Variants in SHH observed in about 807,000 individuals in gnomAD.
The protein encoded by SHH is sonic hedgehog protein.
In SHH, 3 loss-of-function variants were observed where a neutral mutation model predicts 16.6. The ratio of observed to expected loss-of-function variants is 0.18; its 90% confidence interval spans 0.08 to 0.47. The LOEUF (loss-of-function observed/expected upper bound fraction) is 0.47. Among genes scored for constraint, SHH ranks in the 20% least tolerant of loss-of-function variants. The pLI is 0.98. For synonymous variants in SHH, 351 were observed against 316.2 expected, an observed-to-expected ratio of 1.11 and a Z score of -1.17; for missense variants, 499 against 665.0, an observed-to-expected ratio of 0.75 and a Z score of 2.75.
rs2117147722 is a variant in SHH, at chr7:155,809,856, G to C, written c.300+1967C>G. ...GGTCGGGGGGAGGCCCCCGGGCTGG[G>C]GGCTCCGGCTGGGACGCGGAGGCCT... On this transcript the variant is annotated intron_variant, in intron 1 of 2. Coordinates refer to ENST00000297261, the MANE Select transcript of SHH (RefSeq NM_000193.4). The surrounding 1 kb of genome is among the most constrained non-coding windows in gnomAD (Gnocchi z 6.1). Among the ~76,000 whole-genome samples the C allele has an allele frequency of 6.6e-6, 1 of 151,712 alleles. No individual in the cohort carries two copies. Among genetic ancestry groups the C allele is most frequent in the South Asian group, 2.1e-4 (1 of 4,826 alleles).
chr7:155,812,314 G>C lies in SHH; in HGVS notation c.-192C>G. 1.6e-6 allele frequency: 1 copy of C among 636,124 alleles called. No individual in the cohort carries two copies. The highest frequency in any genetic ancestry group is 2.4e-5 in the Admixed American group (1 of 42,388). The allele number at this position is 636,124 out of a possible 1,614,324, so 39.4% of individuals were successfully genotyped here. On this transcript the variant is annotated 5_prime_UTR_variant, in exon 1 of 3. Coordinates refer to ENST00000297261, the MANE Select transcript of SHH (RefSeq NM_000193.4). ...ATAACCTTGCCCGCCGCGGCTGCGG[G>C]GGACTCTCCACCGCTCCCCACCCAG...
chr7:155,811,405 A>G (rs756884), intron 1 of SHH, among the ~76,000 whole-genome samples: 137,228 of 152,258 alleles, frequency 0.9, 62,046 homozygotes, highest in East Asian at 0.98. Context: ...TTCGTACAGT[A>G]CCAGGAGACC....
At chr7:155,810,647 C>T in intron 1 of SHH, among the ~76,000 whole-genome samples, 1 of 152,210 alleles carries the variant, frequency 6.6e-6, no homozygotes. Context: ...CTTGCCTGCC[C>T]CTCGCCTTTC....
Position 155,809,165 on chromosome 7 carries a change from T to C in SHH, c.301-2608A>G, listed in dbSNP as rs1223029344. 1 of 152,178 alleles carries C rather than the reference T, an allele frequency of 6.6e-6. No homozygotes were observed. The highest frequency in any genetic ancestry group is 2.4e-5 in the African/African-American group (1 of 41,408). 9.4% of individuals were successfully genotyped at this position (152,178 alleles called of 1,614,324 possible). On this transcript the variant is annotated intron_variant, in intron 1 of 2. Transcript: ENST00000297261. This position sits in a 1 kb window ranked among gnomAD's most constrained non-coding sequence, Gnocchi z 6.1. ...GGCCCGCGCGGGGAGAGCGTGTCTG[T>C]CTGCGCTTTCCTCTCCCGGGTTAAT...
Position 155,801,961 on chromosome 7 carries a change from C to T in SHH, c.*939G>A, listed in dbSNP as rs866918259. On this transcript the variant is annotated 3_prime_UTR_variant, in exon 3 of 3. Transcript: ENST00000297261. ...TTAATGCAAAAACATCCTTTGTTTT[C>T]TCTGTACAAACTGCAGGCTCCATCC... 4.0e-5 allele frequency: 6 copies of T among 151,556 alleles called. No individual in the cohort carries two copies. The South Asian group carries it at 1.2e-3, about 32-fold the overall frequency. The allele number at this position is 151,556 out of a possible 1,614,324, so 9.4% of individuals were successfully genotyped here. A position where few individuals can be genotyped will look rare whatever the true frequency, so the allele number is the denominator to read the frequency against.
In SHH at chr7:155,803,441, C is replaced by A; in HGVS notation, c.848G>T (p.Gly283Val). ...CGAGCCCGAGGACGCCTCGGGCTCCCCGGTGGCCGAGTCGTTGTGCGGCGC... is the reference window on the plus strand; with the variant it reads ...CGAGCCCGAGGACGCCTCGGGCTCCACGGTGGCCGAGTCGTTGTGCGGCGC... ...FVAPHNDSAT[G>V]EPEASSGSGP... The change falls in exon 3 of 3, where the codon GGG becomes GTG. Residue 283 changes from glycine to valine, a missense_variant. Gly to Val is a moderately radical substitution (Grantham distance 109, BLOSUM62 -3). Around this residue, in one of 4 missense-constraint regions of SHH, gnomAD observed 299 missense variants for 301.1 expected, o/e 0.99. Coordinates refer to ENST00000297261, the MANE Select transcript of SHH (RefSeq NM_000193.4). 6.5e-7 allele frequency: 1 copy of A among 1,539,720 alleles called. No homozygotes were observed.
intron 2 of SHH, among the ~76,000 whole-genome samples, chr7:155,804,584 A>G (rs1234337747): frequency 3.6e-5 from 5 of 139,658 alleles, no homozygotes; most frequent in Admixed American, 1.4e-4. Flanking sequence ...TGCAATTCAC[A>G]AGCACTATTT....
chr7:155,803,328 G>T lies in SHH; in HGVS notation c.961C>A (p.Arg321Ser), dbSNP rs1803249091. 3.4e-6 allele frequency: 5 copies of T among 1,474,160 alleles called. No individual in the cohort carries two copies. Among genetic ancestry groups the T allele is most frequent in the Middle Eastern group, 2.1e-4 (1 of 4,672 alleles). 91.3% of individuals were successfully genotyped at this position (1,474,160 alleles called of 1,614,324 possible). ...GGCAGGAGCCGGCGGTCCCCGTCAC[G>T]CTCGGCCACCACGTACACGCGCTGG... Reference protein sequence around the residue: ...PGQRVYVVAERDGDRRLLPAA... With the variant: ...PGQRVYVVAESDGDRRLLPAA... The change falls in exon 3 of 3, where the codon CGT (arginine) becomes AGT (serine). Residue 321 changes from arginine (R) to serine (S), a missense_variant. Around this residue, in one of 4 missense-constraint regions of SHH, gnomAD observed 299 missense variants for 301.1 expected, o/e 0.99. Transcript: ENST00000297261.
Position 155,803,560 on chromosome 7 carries a change from G to C in SHH, c.729C>G (p.Asp243Glu). ...LLYSDFLTFL[D>E]RDDGAKKVFY... ...AGACCTTCTTGGCGCCGTCGTCGCG[G>C]TCCAGGAAAGTGAGGAAGTCGCTGT... Residue 243 changes from aspartate to glutamate, a missense_variant, in exon 3 of 3, where the codon GAC becomes GAG. By Grantham distance (45) the Asp-to-Glu change is conservative. Transcript: ENST00000297261. 1 of 1,598,012 alleles carries C rather than the reference G, an allele frequency of 6.3e-7. No individual in the cohort carries two copies. The highest frequency in any genetic ancestry group is 8.5e-7 in the Non-Finnish European group (1 of 1,179,048).
At chr7:155,806,623 C>T (rs894821808) in intron 1 of SHH, 66 bp from the exon 2 acceptor site, 11 of 1,598,880 alleles carry the variant, frequency 6.9e-6, no homozygotes, top group Non-Finnish European at 8.6e-6. Flanking sequence ...CCCTCCCGGC[C>T]CCTCCATCAG....
At position 155,803,262 on chromosome 7, in the gene SHH, C is replaced by T. The variant is rs868306414; in HGVS notation, c.1027G>A (p.Gly343Ser). 1 of 1,511,298 alleles carries T rather than the reference C, an allele frequency of 6.6e-7. No homozygotes were observed. 93.6% of individuals were successfully genotyped at this position (1,511,298 alleles called of 1,614,324 possible). A position where few individuals can be genotyped will look rare whatever the true frequency, so the allele number is the denominator to read the frequency against. Residue 343 changes from glycine (G) to serine (S), a missense_variant, in exon 3 of 3, where the codon GGC (glycine) becomes AGC (serine). Around this residue, in one of 4 missense-constraint regions of SHH, gnomAD observed 299 missense variants for 301.1 expected, o/e 0.99. Transcript: ENST00000297261. ...HSVTLSEEAA[G>S]AYAPLTAQGT... ...TGGGCCGTGAGCGGCGCGTAGGCGC[C>T]CGCGGCCTCCTCGCTTAGGGTCACG...
Position 155,812,045 on chromosome 7 carries a change from C to T in SHH, c.78G>A (p.Pro26=). 1 of 1,614,154 alleles carries T rather than the reference C, an allele frequency of 6.2e-7. No individual in the cohort carries two copies. The part of the protein sequence containing the change: ...LLVCSGLACG[P]GRGFGKRRHP... ...GCCTCCTCTTCCCGAACCCCCTGCC[C>T]GGTCCGCACGCCAGTCCCGAGCATA... Residue 26 remains proline (P), a synonymous_variant, in exon 1 of 3, where the codon CCG becomes CCA. Coordinates refer to ENST00000297261, the MANE Select transcript of SHH (RefSeq NM_000193.4).
Position 155,800,122 on chromosome 7 carries a change from T to A in SHH, c.*2778A>T. 4.2e-6 allele frequency: 2 copies of A among 471,678 alleles called. No individual in the cohort carries two copies. Among genetic ancestry groups the A allele is most frequent in the Non-Finnish European group, 8.8e-6 (2 of 227,192 alleles). 29.2% of individuals were successfully genotyped at this position (471,678 alleles called of 1,614,324 possible). ...TGGCAGCAACCACCATGCATACATT[T>A]TGCACAAACTCTTGGCTCCGTCAAC... On this transcript the variant is annotated 3_prime_UTR_variant, in exon 3 of 3. Transcript: ENST00000297261.
At chr7:155,811,436 G>T (rs142674413) in intron 1 of SHH, among the ~76,000 whole-genome samples, 422 of 152,296 alleles carry the variant, frequency 2.8e-3, no homozygotes, top group Middle Eastern at 0.014. Flanking sequence ...TGTGGGAGGG[G>T]GATTCCCAGC....
chr7:155,804,454 A>C (rs936880245), intron 2 of SHH, among the ~76,000 whole-genome samples: 1 of 152,178 alleles, frequency 6.6e-6, no homozygotes, highest in Non-Finnish European at 1.5e-5. Context: ...GATAAACAGG[A>C]GACACTCTTG....
intron 1 of SHH, among the ~76,000 whole-genome samples, chr7:155,811,390 G>C (rs1047120024): frequency 6.6e-6 from 1 of 152,214 alleles, no homozygotes; most frequent in Non-Finnish European, 1.5e-5. Flanking sequence ...GGCTACGTTC[G>C]TTCGTTCGTA....
At chr7:155,804,969 T>A (rs1025359312) in intron 2 of SHH, among the ~76,000 whole-genome samples, 5 of 152,324 alleles carry the variant, frequency 3.3e-5, no homozygotes, top group South Asian at 2.1e-4. Context: ...CCCCCCGGAA[T>A]GCGACCCCGG....
rs565755532 is a variant in SHH, at chr7:155,804,523, G to A, written c.563-797C>T. On this transcript the variant is annotated intron_variant, in intron 2 of 2. Transcript: ENST00000297261. ...TCTCAGCTCACTCTCTCCCCAGCTCGCGGGCCTCCCCCTCCCTATTTGCTC... is the reference window on the plus strand; with the variant it reads ...TCTCAGCTCACTCTCTCCCCAGCTCACGGGCCTCCCCCTCCCTATTTGCTC... Among the ~76,000 whole-genome samples the A allele has an allele frequency of 5.3e-5, 8 of 151,906 alleles. No individual in the cohort carries two copies. The South Asian group carries it at 1.3e-3, about 24-fold the overall frequency.
intron 2 of SHH, among the ~76,000 whole-genome samples, chr7:155,805,269 G>A (rs1483627463): frequency 6.6e-6 from 1 of 151,618 alleles, no homozygotes; most frequent in South Asian, 2.1e-4. Flanking sequence ...CCTCCTGCCT[G>A]CCTGCAGCCG....
Sources: allele counts gnomAD v4.1 joint callset (sites outside exome capture counted in the v4.1 genomes callset), GRCh38; gene constraint gnomAD v4.1.1; regional missense constraint gnomAD v4.1.1; non-coding constraint Gnocchi (gnomAD v3.1); transcripts MANE v1.5; gene names NCBI Gene and HGNC (gene_info 2026-07-23, HGNC 2026-07-21).